Variants in RGS3 observed in about 807,000 individuals in gnomAD.
RGS3 encodes the protein regulator of G-protein signalling 3.
In RGS3, 80 loss-of-function variants were observed where a neutral mutation model predicts 132.6. That is an observed-to-expected ratio of 0.60 (90% CI 0.50 to 0.73). RGS3 has a LOEUF of 0.73. Ranked by LOEUF, RGS3 falls within the 30% of genes least tolerant of loss-of-function variation. The pLI is 0.00. For missense variants in RGS3, 1,382 were observed against 1,530.8 expected (o/e 0.90, Z 1.62); for synonymous variants, 598 against 620.6 (o/e 0.96, Z 0.54).
intron 16 of RGS3, chr9:113,522,203 C>T (rs990877247): frequency 2.6e-5 from 4 of 152,170 alleles, no homozygotes; most frequent in African/African-American, 7.2e-5. Flanking sequence ...CATGTCTGTA[C>T]TAGAGTGTGA....
At chr9:113,529,287 G>C in intron 18 of RGS3, 23 bp downstream of exon 16, 1 of 1,597,918 alleles carries the variant, frequency 6.3e-7, no homozygotes, top group Non-Finnish European at 8.6e-7. Flanking sequence ...CTCTGGATTT[G>C]AGGAGAGAGA....
chr9:113,580,711 T>A lies in RGS3; in HGVS notation c.2038-2739T>A. 6 of 775,186 alleles carry A rather than the reference T, an allele frequency of 7.7e-6. 1 individual carries two copies. The highest frequency in any genetic ancestry group is 9.4e-6 in the Non-Finnish European group (6 of 637,574). The allele number at this position is 775,186 out of a possible 1,614,324, so 48.0% of individuals were successfully genotyped here. Reference sequence around the variant, plus strand: ...GCCCTCTGGGGGCAGTACCCCTGCCTGAGTGGCACTTCCCCTCCTGGCTTT... The same window carrying A: ...GCCCTCTGGGGGCAGTACCCCTGCCAGAGTGGCACTTCCCCTCCTGGCTTT... On this transcript the variant is annotated intron_variant, in intron 19 of 24. Transcript: ENST00000350696.
At chr9:113,590,773 G>A (rs1835379471) in intron 20 of RGS3, among the ~76,000 whole-genome samples, 1 of 152,162 alleles carries the variant, frequency 6.6e-6, no homozygotes, top group African/African-American at 2.4e-5. Flanking sequence ...TCCTAAGATG[G>A]TAGATCCAGT....
At chr9:113,572,549 GC>G (rs1452229233) in intron 19 of RGS3, among the ~76,000 whole-genome samples, 1 of 152,132 alleles carries the variant, frequency 6.6e-6, no homozygotes, top group Non-Finnish European at 1.5e-5. Context: ...ACCACCCAGT[GC>G]CCCCAGCGCT....
intron 7 of RGS3, 149 bp downstream of exon 5, chr9:113,485,842 G>T (rs1404061064): frequency 6.6e-6 from 4 of 609,364 alleles, no homozygotes; most frequent in South Asian, 3.9e-5. Flanking sequence ...GCCCCTCCTT[G>T]AGTCTCCATC....
chr9:113,583,834 A>C lies in RGS3; in HGVS notation c.2422A>C (p.Thr808Pro), dbSNP rs1303298006. The stretch of plus-strand genomic sequence containing the variant: ...CCTCCCTGCCATCCAGGAATCCCCC[A>C]CCCGGGACCTTCCACCCTGTCAAGA... The change falls in exon 20 of 25, where the codon ACC (threonine) becomes CCC (proline). Residue 808 changes from threonine (T) to proline (P), a missense_variant. Physicochemically the swap from Thr to Pro is conservative, Grantham distance 38. Coordinates refer to ENST00000350696, the Ensembl canonical transcript of RGS3. 26 of 1,613,314 alleles carry C rather than the reference A, an allele frequency of 1.6e-5. No homozygotes were observed. In the East Asian group the frequency reaches 5.8e-4, roughly 36 times the overall value.
intron 19 of RGS3, among the ~76,000 whole-genome samples, chr9:113,578,556 G>T (rs888515217): frequency 4.4e-4 from 67 of 152,272 alleles, no homozygotes; most frequent in Middle Eastern, 3.4e-3. Context: ...GGCCTGGAGG[G>T]TCTCTGAGCT....
At chr9:113,468,125 G>A (rs1247158370) in intron 3 of RGS3, among the ~76,000 whole-genome samples, 1 of 152,156 alleles carries the variant, frequency 6.6e-6, no homozygotes, top group Non-Finnish European at 1.5e-5. Context: ...CAAATCTAAG[G>A]TTCTGTCAGT....
intron 2 of RGS3, chr9:113,461,928 A>G (rs1364835586): frequency 1.3e-6 from 2 of 1,593,046 alleles, no homozygotes; most frequent in East Asian, 2.2e-5. Context: ...TTTCCTGAAC[A>G]CCATGCTTTC....
chr9:113,536,808 T>A, exon 19 of RGS3: 1 of 1,614,074 alleles, frequency 6.2e-7, no homozygotes, highest in South Asian at 1.1e-5. Context: ...GGCAGAGTGC[T>A]TATTCACTTT....
intron 3 of RGS3, among the ~76,000 whole-genome samples, chr9:113,466,375 T>G (rs1338679357): frequency 1.3e-5 from 2 of 152,232 alleles, no homozygotes; most frequent in Non-Finnish European, 2.9e-5. Flanking sequence ...AGCATAATCA[T>G]CTATGGAAAT....
At chr9:113,528,306 G>T (rs954788136) in intron 17 of RGS3, among the ~76,000 whole-genome samples, 1 of 152,342 alleles carries the variant, frequency 6.6e-6, no homozygotes, top group East Asian at 1.9e-4. Flanking sequence ...ACCTAAGCGG[G>T]AGTGCTGCCA....
intron 3 of RGS3, among the ~76,000 whole-genome samples, chr9:113,471,584 T>TC (rs1010458271): frequency 4.6e-5 from 7 of 152,076 alleles, no homozygotes; most frequent in Non-Finnish European, 1.0e-4. Context: ...TGTTTTTTTT[T>TC]CCCTCCCTTT....
At position 113,538,663 on chromosome 9, in the gene RGS3, A is replaced by T. The variant is rs974540396; in HGVS notation, c.2037+1745A>T. Among the ~76,000 whole-genome samples, 3 of 152,308 alleles carry T rather than the reference A, an allele frequency of 2.0e-5. No homozygotes were observed. In the East Asian group the frequency reaches 5.8e-4, roughly 29 times the overall value. On this transcript the variant is annotated intron_variant, in intron 19 of 24. Transcript: ENST00000350696. ...GGCTGGCTGACCCTGGAACGGCCCA[A>T]GGGTTTGAGGCCTGGCTTCAGGGCC...
intron 21 of RGS3, chr9:113,592,461 T>G (rs1835488365): frequency 6.6e-6 from 1 of 151,534 alleles, no homozygotes; most frequent in Non-Finnish European, 1.5e-5. Flanking sequence ...CTCCTTTCAA[T>G]GTAGGTGCTG....
At chr9:113,571,585 G>A (rs1258856168) in intron 19 of RGS3, among the ~76,000 whole-genome samples, 2 of 151,828 alleles carry the variant, frequency 1.3e-5, no homozygotes, top group Non-Finnish European at 2.9e-5. Context: ...TGATTAACTT[G>A]TAGGAGCTTA....
rs767044456 is a variant in RGS3 at position 113,463,877 on chromosome 9, CT to C, written c.415+1679del. 157 of 1,612,946 alleles carry C rather than the reference CT, an allele frequency of 9.7e-5. 1 individual carries two copies. The highest frequency in any genetic ancestry group is 1.3e-4 in the Non-Finnish European group (150 of 1,179,760). On this transcript the variant is annotated intron_variant, in intron 3 of 24. Coordinates refer to ENST00000350696, the Ensembl canonical transcript of RGS3. The surrounding 1 kb of genome is among the most constrained non-coding windows in gnomAD (Gnocchi z 4.6). ...CGGACTTGTCCTTCTACCTCACCAC[CT>C]TTGGTAAGTGCCCGCTGGGGCTGGC...
chr9:113,487,442 A>G (rs1031644370), intron 7 of RGS3, among the ~76,000 whole-genome samples: 3 of 152,148 alleles, frequency 2.0e-5, no homozygotes. Context: ...CAGCTCTAAG[A>G]AGAGTGTGGT....
chr9:113,561,569 T>C (rs1221892526), intron 19 of RGS3, among the ~76,000 whole-genome samples: 3 of 150,784 alleles, frequency 2.0e-5, no homozygotes, highest in Non-Finnish European at 4.4e-5. Context: ...CACAGCACCA[T>C]GCCCAGCTAA....
Sources: gnomAD v4.1 joint callset for allele counts (sites outside exome capture counted in the v4.1 genomes callset) on GRCh38, gnomAD v4.1.1 for gene constraint, Gnocchi (gnomAD v3.1) non-coding constraint, MANE v1.5 for transcripts, NCBI Gene and HGNC (gene_info 2026-07-23, HGNC 2026-07-21) for gene names.